ARHGAP25: variants seen among roughly 807,000 people sequenced by gnomAD.
The protein encoded by ARHGAP25 is rho GTPase-activating protein 25.
ARHGAP25 carries 34 observed loss-of-function variants against 71.0 expected under a neutral mutation model. That is an observed-to-expected ratio of 0.48 (90% CI 0.36 to 0.64). ARHGAP25 has a LOEUF of 0.64. Among genes scored for constraint, ARHGAP25 ranks in the 30% least tolerant of loss-of-function variants. The probability of loss-of-function intolerance (pLI) is 0.00; values close to 1 mark genes in which losing one functional copy is unlikely to be tolerated. For synonymous variants in ARHGAP25, 282 were observed against 296.5 expected, an observed-to-expected ratio of 0.95 and a Z score of 0.50; for missense variants, 706 against 805.1, an observed-to-expected ratio of 0.88 and a Z score of 1.49.
At chr2:68,805,653 C>T (rs147750200) in intron 4 of ARHGAP25, among the ~76,000 whole-genome samples, 1 of 152,106 alleles carries the variant, frequency 6.6e-6, no homozygotes, top group Non-Finnish European at 1.5e-5. Context: ...GTAGCGGTTA[C>T]AGGTGAGAGA....
At chr2:68,791,133 C>T (rs1055589209) in intron 4 of ARHGAP25, among the ~76,000 whole-genome samples, 1 of 152,176 alleles carries the variant, frequency 6.6e-6, no homozygotes, top group African/African-American at 2.4e-5. Context: ...TTCTGTTTAA[C>T]GTTGGACCCC....
At chr2:68,783,923 A>T (rs764946389) in intron 3 of ARHGAP25, among the ~76,000 whole-genome samples, 2 of 152,158 alleles carry the variant, frequency 1.3e-5, no homozygotes, top group Admixed American at 6.5e-5. Context: ...AATTCATGGG[A>T]CACAACCATC....
intron 1 of ARHGAP25, among the ~76,000 whole-genome samples, chr2:68,771,057 C>T (rs958277343): frequency 1.3e-5 from 2 of 152,116 alleles, no homozygotes; most frequent in Admixed American, 6.5e-5. Flanking sequence ...GCTAGTATGA[C>T]GGAGGAACTC....
chr2:68,771,051 G>A (rs909556725), intron 1 of ARHGAP25, among the ~76,000 whole-genome samples: 9 of 152,192 alleles, frequency 5.9e-5, no homozygotes, highest in African/African-American at 1.9e-4. Context: ...AACATGGCTA[G>A]TATGACGGAG....
At chr2:68,821,095 T>TC (rs1425598930) in intron 9 of ARHGAP25, among the ~76,000 whole-genome samples, 1 of 130,670 alleles carries the variant, frequency 7.7e-6, no homozygotes, top group African/African-American at 2.7e-5. Flanking sequence ...TTTCTTTCTT[T>TC]TTTTTTTTTT....
Position 68,750,154 on chromosome 2 carries a change from G to A in ARHGAP25, c.61+14894G>A, listed in dbSNP as rs183878377. On this transcript the variant is annotated intron_variant, in intron 1 of 10. Transcript: ENST00000409202. ...CCCAAGTAGCTGGGACCACAGGCGT[G>A]CACCGCCATGCCCGGCTGATTTTTT... is the stretch of plus-strand genomic sequence containing the variant. Among the ~76,000 whole-genome samples, 365 of 143,992 alleles carry A rather than the reference G, an allele frequency of 2.5e-3. 3 individuals are homozygous for A. The highest frequency in any genetic ancestry group is 9.0e-3 in the African/African-American group (349 of 38,686). 94.5% of individuals were successfully genotyped at this position (143,992 alleles called of 152,430 possible). A position where few individuals can be genotyped will look rare whatever the true frequency, so the allele number is the denominator to read the frequency against.
rs1412504159 is a variant in ARHGAP25 at position 68,813,859 on chromosome 2, G to T, written c.807+440G>T. On this transcript the variant is annotated intron_variant, in intron 6 of 10. Transcript: ENST00000409202. ...AGAAGAAGGACAGGGAGGGTTTTTT[G>T]ATTGTTTTTCTTTTCAGCCACAGCT... Among the ~76,000 whole-genome samples the T allele has an allele frequency of 4.6e-5, 7 of 152,146 alleles. No individual in the cohort carries two copies. In the East Asian group the frequency reaches 7.7e-4, roughly 17 times the overall value.
chr2:68,724,416 C>A (rs995879474), intron 2 of ARHGAP25, among the ~76,000 whole-genome samples: 1 of 152,202 alleles, frequency 6.6e-6, no homozygotes, highest in Admixed American at 6.5e-5. Flanking sequence ...TCTGCAACAG[C>A]AGACAGCTGC....
chr2:68,772,333 C>G (rs371425405), intron 1 of ARHGAP25, among the ~76,000 whole-genome samples: 21 of 152,352 alleles, frequency 1.4e-4, no homozygotes, highest in African/African-American at 5.1e-4. Context: ...TCCCCTCACT[C>G]CTGAGTTGGC....
chr2:68,815,481 G>T (rs6546440), intron 6 of ARHGAP25, among the ~76,000 whole-genome samples: 2 of 131,656 alleles, frequency 1.5e-5, no homozygotes, highest in African/African-American at 2.9e-5. Flanking sequence ...GATGGAGTTT[G>T]GCTCTTTCGC....
At chr2:68,772,949 T>A (rs1677582274) in intron 1 of ARHGAP25, among the ~76,000 whole-genome samples, 1 of 152,242 alleles carries the variant, frequency 6.6e-6, no homozygotes, top group African/African-American at 2.4e-5. Context: ...ATAAGCACTC[T>A]TGTGATGATG....
intron 1 of ARHGAP25, among the ~76,000 whole-genome samples, chr2:68,749,812 A>C (rs768555909): frequency 2.0e-5 from 3 of 152,220 alleles, no homozygotes; most frequent in Non-Finnish European, 2.9e-5. Context: ...ATATGCAGCA[A>C]AGTTTGTGAT....
intron 4 of ARHGAP25, among the ~76,000 whole-genome samples, chr2:68,805,364 G>A (rs1052505247): frequency 6.6e-5 from 10 of 151,970 alleles, no homozygotes; most frequent in Non-Finnish European, 8.8e-5. Context: ...TAAGTGAAAC[G>A]AACAACAGCC....
chr2:68,735,909 C>G (rs1214259631), intron 1 of ARHGAP25, among the ~76,000 whole-genome samples: 3 of 152,124 alleles, frequency 2.0e-5, no homozygotes, highest in Non-Finnish European at 2.9e-5. Flanking sequence ...AATCCATACC[C>G]TGTCCTTCTA....
intron 4 of ARHGAP25, among the ~76,000 whole-genome samples, chr2:68,803,054 A>G (rs925895359): frequency 6.6e-6 from 1 of 152,088 alleles, no homozygotes; most frequent in Non-Finnish European, 1.5e-5. Context: ...GCAGATTAAT[A>G]AGTTATAAGT....
intron 1 of ARHGAP25, among the ~76,000 whole-genome samples, chr2:68,749,557 C>T (rs920773563): frequency 5.9e-5 from 9 of 152,156 alleles, no homozygotes; most frequent in Non-Finnish European, 8.8e-5. Context: ...CCAGTGCTTG[C>T]GAGTGTCGAT....
At chr2:68,722,143 G>A (rs1674778025) in intron 2 of ARHGAP25, among the ~76,000 whole-genome samples, 2 of 152,206 alleles carry the variant, frequency 1.3e-5, no homozygotes. Context: ...CAGCCTGATA[G>A]GCCTTTTAAA....
At chr2:68,725,762 T>C (rs1053179527) in intron 2 of ARHGAP25, among the ~76,000 whole-genome samples, 1 of 152,178 alleles carries the variant, frequency 6.6e-6, no homozygotes, top group African/African-American at 2.4e-5. Context: ...ACCCATCTCT[T>C]GTTATCTTCC....
At chr2:68,730,089 C>CT (rs71396002), upstream of ARHGAP25, among the ~76,000 whole-genome samples, 6,508 of 151,940 alleles carry the variant, frequency 0.043, 209 homozygotes, top group East Asian at 0.12. Flanking sequence ...TTTTTCATGA[C>CT]TTTTTTTTGT....
Sources: gnomAD v4.1 joint callset for allele counts (sites outside exome capture counted in the v4.1 genomes callset) on GRCh38, gnomAD v4.1.1 for gene constraint, MANE v1.5 for transcripts, NCBI Gene and HGNC (gene_info 2026-07-23, HGNC 2026-07-21) for gene names.